AHNAK: variants seen among roughly 807,000 people sequenced by gnomAD.
The protein encoded by AHNAK is neuroblast differentiation-associated protein AHNAK.
In AHNAK, 23 loss-of-function variants were observed where a neutral mutation model predicts 37.8. The ratio of observed to expected loss-of-function variants is 0.61; its 90% CI spans 0.44 to 0.86. The LOEUF is 0.86. Among genes scored for constraint, AHNAK ranks in the 40% least tolerant of loss-of-function variants. The pLI, the probability that AHNAK is intolerant of heterozygous loss-of-function variation, is 0.00. For missense variants in AHNAK, 7,411 were observed against 7,319.4 expected (o/e 1.01, Z -0.46); for synonymous variants, 2,481 against 2,636.3 (o/e 0.94, Z 1.80).
Position 62,523,610 on chromosome 11 carries a change from G to A in AHNAK, c.10807C>T (p.Pro3603Ser). 3 of 1,614,070 alleles carry A rather than the reference G, an allele frequency of 1.9e-6. No individual in the cohort carries two copies. Among genetic ancestry groups the A allele is most frequent in the Non-Finnish European group, 2.5e-6 (3 of 1,180,020 alleles). The part of the protein sequence containing the change: ...VHGPDWHLKM[P>S]KVKMPKFSMP... Reference sequence around the variant, plus strand: ...CTGAACTTGGGCATTTTCACTTTGGGCATCTTCAGATGCCAGTCTGGACCA... The same window carrying A: ...CTGAACTTGGGCATTTTCACTTTGGACATCTTCAGATGCCAGTCTGGACCA... The change falls in exon 5 of 5, where the codon CCC (proline) becomes TCC (serine). Residue 3603 changes from proline (P) to serine (S), a missense_variant. Transcript: ENST00000378024.
chr11:62,508,715 G>T (rs1012419870), intron 4 of AHNAK, among the ~76,000 whole-genome samples: 16 of 152,234 alleles, frequency 1.1e-4, no homozygotes, highest in African/African-American at 3.9e-4. Flanking sequence ...GCTGCCTGAC[G>T]CCACGGGGCA....
At chr11:62,433,760 C>A in exon 6 of AHNAK, 1 of 1,398,020 alleles carries the variant, frequency 7.2e-7, no homozygotes, top group Non-Finnish European at 1.0e-6. Context: ...GAAGGTATTC[C>A]TTTAACTGCA....
chr11:62,469,963 G>A (rs80124462), intron 5 of AHNAK, among the ~76,000 whole-genome samples: 6,314 of 152,144 alleles, frequency 0.042, 179 homozygotes, highest in Middle Eastern at 0.068. Context: ...ACCTCATAGG[G>A]TTTAGAGAAT....
intron 4 of AHNAK, 63 bp downstream of exon 4, chr11:62,534,939 TG>T: frequency 6.5e-7 from 1 of 1,532,770 alleles, no homozygotes; most frequent in Non-Finnish European, 8.9e-7. Flanking sequence ...GGCTCAGGAG[TG>T]GGGTCAGCAG....
chr11:62,454,056 G>A (rs1445355194), intron 5 of AHNAK, among the ~76,000 whole-genome samples: 1 of 150,742 alleles, frequency 6.6e-6, no homozygotes, highest in Non-Finnish European at 1.5e-5. Flanking sequence ...GCAGTGAGCC[G>A]AGATGGCGCC....
rs538863093 is a variant in AHNAK at position 62,534,320 on chromosome 11, G to T, written c.343-246C>A. On this transcript the variant is annotated intron_variant, in intron 4 of 4. Transcript: ENST00000378024. ...TAAGCAAAAACCGTGGGGAGGGAGT[G>T]GGAGGTATACTCTTGGACTGGGAGG... is the stretch of plus-strand genomic sequence containing the variant. Among the ~76,000 whole-genome samples the T allele has an allele frequency of 2.0e-5, 3 of 152,322 alleles. No homozygotes were observed. The East Asian group carries it at 5.8e-4, about 29-fold the overall frequency.
Position 62,516,585 on chromosome 11 carries a change from G to A in AHNAK, c.*159C>T, listed in dbSNP as rs972076264. ...ATCTGTATAGTTCCAGGAGCCTACA[G>A]GCGGTCGGTTTTTCAGCGCTTGCCA... On this transcript the variant is annotated 3_prime_UTR_variant, in exon 5 of 5. Coordinates refer to ENST00000378024, the MANE Select transcript of AHNAK (RefSeq NM_001620.3). 2 of 1,471,476 alleles carry A rather than the reference G, an allele frequency of 1.4e-6. No individual in the cohort carries two copies. Among genetic ancestry groups the A allele is most frequent in the Non-Finnish European group, 1.8e-6 (2 of 1,122,652 alleles). 91.2% of individuals were successfully genotyped at this position (1,471,476 alleles called of 1,614,324 possible).
intron 5 of AHNAK, among the ~76,000 whole-genome samples, chr11:62,438,908 C>T (rs1938238674): frequency 6.6e-6 from 1 of 152,064 alleles, no homozygotes; most frequent in Admixed American, 6.6e-5. Context: ...ATGATAATGA[C>T]TTCCTGGGCC....
rs1210149981 is a variant in AHNAK at position 62,522,381 on chromosome 11, G to A, written c.12036C>T (p.Gly4012=). 5 of 1,613,740 alleles carry A rather than the reference G, an allele frequency of 3.1e-6. No individual in the cohort carries two copies. Among genetic ancestry groups the A allele is most frequent in the East Asian group, 2.2e-5 (1 of 44,854 alleles). The part of the protein sequence containing the change: ...SMPDFDLHLK[G]PKVKGDVDVS... ...CATCCACATCTCCTTTCACCTTAGGGCCTTTCAGATGCAAATCAAAGTCAG... is the reference window on the plus strand; with the variant it reads ...CATCCACATCTCCTTTCACCTTAGGACCTTTCAGATGCAAATCAAAGTCAG... Residue 4012 remains glycine, a synonymous_variant, in exon 5 of 5, where the codon GGC becomes GGT. Transcript: ENST00000378024.
intron 5 of AHNAK, among the ~76,000 whole-genome samples, chr11:62,436,050 G>A (rs1938163630): frequency 6.6e-6 from 1 of 152,188 alleles, no homozygotes. Context: ...AGCAGAGCTG[G>A]AGTTCAAGCC....
At chr11:62,540,032 C>T (rs989292991) in intron 1 of AHNAK, among the ~76,000 whole-genome samples, 4 of 152,350 alleles carry the variant, frequency 2.6e-5, no homozygotes, top group African/African-American at 9.6e-5. Flanking sequence ...CCAAGTGGTC[C>T]TTTCTTCTCC....
chr11:62,441,792 G>A (rs919056700), intron 5 of AHNAK, among the ~76,000 whole-genome samples: 1 of 151,952 alleles, frequency 6.6e-6, no homozygotes, highest in African/African-American at 2.4e-5. Flanking sequence ...ATGTGCCACC[G>A]AGCCTAGCCT....
intron 5 of AHNAK, among the ~76,000 whole-genome samples, chr11:62,455,555 A>C (rs1382712715): frequency 6.6e-6 from 1 of 152,094 alleles, no homozygotes; most frequent in Non-Finnish European, 1.5e-5. Flanking sequence ...AAAATACAAA[A>C]TTAGCCAGGA....
At chr11:62,534,684 C>G (rs925416023) in intron 4 of AHNAK, among the ~76,000 whole-genome samples, 1 of 152,156 alleles carries the variant, frequency 6.6e-6, no homozygotes, top group Admixed American at 6.5e-5. Context: ...AGCTGGGCAC[C>G]TGTGAAGTCA....
At chr11:62,534,361 G>A (rs1341716724) in intron 4 of AHNAK, among the ~76,000 whole-genome samples, 1 of 152,196 alleles carries the variant, frequency 6.6e-6, no homozygotes, top group Non-Finnish European at 1.5e-5. Flanking sequence ...CATTCAGTTA[G>A]AGATTCAAAT....
At chr11:62,449,909 G>A (rs766668852) in intron 5 of AHNAK, among the ~76,000 whole-genome samples, 18 of 152,052 alleles carry the variant, frequency 1.2e-4, no homozygotes, top group Non-Finnish European at 2.2e-4. Flanking sequence ...ATATGATTAT[G>A]ATTAAAACAA....
chr11:62,491,953 C>T, intron 4 of AHNAK: 1 of 760,608 alleles, frequency 1.3e-6, no homozygotes, highest in South Asian at 1.8e-5. Flanking sequence ...CTACCACCCC[C>T]CAACACACCC....
chr11:62,483,583 G>A (rs971613993), intron 5 of AHNAK, among the ~76,000 whole-genome samples: 7 of 150,448 alleles, frequency 4.7e-5, no homozygotes, highest in Admixed American at 3.3e-4. Context: ...CTACAGCCAG[G>A]CGCGGTGGCT....
intron 5 of AHNAK, among the ~76,000 whole-genome samples, chr11:62,463,817 G>A (rs1428305255): frequency 6.6e-6 from 1 of 152,028 alleles, no homozygotes; most frequent in Non-Finnish European, 1.5e-5. Context: ...AGGCTGGAGT[G>A]CAATGGTACG....
Sources: gnomAD v4.1 joint callset for allele counts (sites outside exome capture counted in the v4.1 genomes callset) on GRCh38, gnomAD v4.1.1 for gene constraint, MANE v1.5 for transcripts, NCBI Gene and HGNC (gene_info 2026-07-23, HGNC 2026-07-21) for gene names.